IARS2: variants seen among roughly 807,000 people sequenced by gnomAD.
IARS2 encodes isoleucyl-tRNA synthetase 2, mitochondrial.
Under a neutral mutation model 126.3 loss-of-function variants are expected in IARS2, and 56 were observed. The ratio of observed to expected loss-of-function variants is 0.44; its 90% CI spans 0.36 to 0.55. The LOEUF is 0.55. Ranked by LOEUF, IARS2 falls within the 20% of genes least tolerant of loss-of-function variation. The pLI is 0.00. For synonymous variants in IARS2, 407 were observed against 441.1 expected, an observed-to-expected ratio of 0.92 and a Z score of 0.97; for missense variants, 1,127 against 1,245.9, an observed-to-expected ratio of 0.90 and a Z score of 1.44.
At chr1:220,100,261 A>G (rs915580180) in intron 2 of IARS2, among the ~76,000 whole-genome samples, 3 of 152,212 alleles carry the variant, frequency 2.0e-5, no homozygotes, top group African/African-American at 4.8e-5. Context: ...TCTTAGCTCA[A>G]TATAAATAAT....
At chr1:220,120,776 G>GT (rs1657033377) in intron 12 of IARS2, among the ~76,000 whole-genome samples, 1 of 152,100 alleles carries the variant, frequency 6.6e-6, no homozygotes, top group African/African-American at 2.4e-5. Flanking sequence ...TAATTAACAT[G>GT]TATTTGTTGG....
chr1:220,121,613 A>T (rs917884410), intron 12 of IARS2, among the ~76,000 whole-genome samples: 3 of 151,938 alleles, frequency 2.0e-5, no homozygotes, highest in African/African-American at 7.3e-5. Context: ...ACTTATTTTT[A>T]TTTTTTTTAA....
chr1:220,140,781 G>A (rs1384191502), intron 19 of IARS2, among the ~76,000 whole-genome samples: 1 of 151,832 alleles, frequency 6.6e-6, no homozygotes, highest in African/African-American at 2.4e-5. Context: ...TCAGGAGATC[G>A]AGACCATCCT....
At chr1:220,106,965 G>A (rs978546137) in intron 9 of IARS2, 96 bp from the exon 10 acceptor site, 1 of 861,274 alleles carries the variant, frequency 1.2e-6, no homozygotes, top group African/African-American at 1.7e-5. Context: ...AAAAGACCAG[G>A]CTATACTGAG....
At chr1:220,131,770 G>C (rs1657273007) in intron 14 of IARS2, among the ~76,000 whole-genome samples, 1 of 151,060 alleles carries the variant, frequency 6.6e-6, no homozygotes, top group South Asian at 2.1e-4. Flanking sequence ...ACAGGCATGA[G>C]CCACGATGCC....
At chr1:220,099,933 G>A (rs1261844137) in intron 2 of IARS2, among the ~76,000 whole-genome samples, 1 of 152,104 alleles carries the variant, frequency 6.6e-6, no homozygotes, top group Non-Finnish European at 1.5e-5. Flanking sequence ...CTTTTGATAG[G>A]CATGGAAAGG....
Position 220,102,015 on chromosome 1 carries a change from A to G in IARS2, c.551-114A>G, listed in dbSNP as rs932895134. On this transcript the variant is annotated intron_variant, in intron 3 of 22. Coordinates refer to ENST00000366922, the MANE Select transcript of IARS2 (RefSeq NM_018060.4). ...GACAGCGAGACTGTGTCTCAAAAAA[A>G]ATTTGCATTCTAAACTGTCTGTAGC... 2.6e-5 allele frequency: 26 copies of G among 1,010,070 alleles called. No homozygotes were observed. In the African/African-American group the frequency reaches 3.9e-4, roughly 15 times the overall value. The allele number at this position is 1,010,070 out of a possible 1,614,324, so 62.6% of individuals were successfully genotyped here.
At chr1:220,146,647 T>C (rs1657599634) in intron 22 of IARS2, among the ~76,000 whole-genome samples, 1 of 152,098 alleles carries the variant, frequency 6.6e-6, no homozygotes, top group Non-Finnish European at 1.5e-5. Context: ...ATAGACCGTG[T>C]AGTAAAAGTT....
intron 22 of IARS2, among the ~76,000 whole-genome samples, chr1:220,146,057 G>A (rs764162072): frequency 2.6e-5 from 4 of 151,966 alleles, no homozygotes; most frequent in Admixed American, 6.6e-5. Context: ...TGTATACCCC[G>A]GATTAAAATA....
chr1:220,109,714 C>T (rs1402693628), intron 10 of IARS2, among the ~76,000 whole-genome samples: 1 of 152,144 alleles, frequency 6.6e-6, no homozygotes, highest in Non-Finnish European at 1.5e-5. Context: ...TGCAGTGTGA[C>T]CTCATCTAAA....
At chr1:220,142,002 A>C (rs1184758002) in intron 20 of IARS2, 54 bp downstream of exon 20, 2 of 1,529,370 alleles carry the variant, frequency 1.3e-6, no homozygotes, top group Non-Finnish European at 1.8e-6. Context: ...ATCAAGGTGC[A>C]ACTTCTACTT....
In IARS2 at chr1:220,109,249, A is replaced by C. The variant is rs546860243; in HGVS notation, c.1328-1537A>C. 7.9e-5 allele frequency among the ~76,000 whole-genome samples: 12 copies of C among 152,058 alleles called. No individual in the cohort carries two copies. In the East Asian group the frequency reaches 2.1e-3, roughly 27 times the overall value. On this transcript the variant is annotated intron_variant, in intron 10 of 22. Coordinates refer to ENST00000366922, the MANE Select transcript of IARS2 (RefSeq NM_018060.4). The stretch of plus-strand genomic sequence containing the variant: ...CCCTGTGTCTACTAAAAATACAAAA[A>C]ATTAGCCAGGTGTGGTGGTAGGTGC...
At chr1:220,114,121 C>T (rs773409241) in intron 11 of IARS2, among the ~76,000 whole-genome samples, 193 bp from the exon 12 acceptor site, 6 of 152,054 alleles carry the variant, frequency 3.9e-5, no homozygotes, top group Admixed American at 6.6e-5. Context: ...AAGTTCTTCG[C>T]GGCTCCATTT....
In IARS2 at chr1:220,106,042, T is replaced by C. The variant is rs1656673225; in HGVS notation, c.1218T>C (p.Ser406=). The change falls in exon 9 of 23, where the codon TCT becomes TCC. Residue 406 remains serine, a synonymous_variant. Coordinates refer to ENST00000366922, the MANE Select transcript of IARS2 (RefSeq NM_018060.4). The stretch of plus-strand genomic sequence containing the variant: ...GTATGGAAGACTACGGTGTAGCGTC[T>C]CAGCACAACCTGCCCATGGTACTGT... ...AHGMEDYGVA[S]QHNLPMDCLV... 1.9e-6 allele frequency: 3 copies of C among 1,613,624 alleles called. No individual in the cohort carries two copies. Among genetic ancestry groups the C allele is most frequent in the Non-Finnish European group, 2.5e-6 (3 of 1,179,746 alleles).
rs897733443 is a variant in IARS2, at chr1:220,126,835, T to G, written c.1829T>G (p.Val610Gly). The change falls in exon 14 of 23, where the codon GTT (valine) becomes GGT (glycine). Residue 610 changes from valine (V) to glycine (G), a missense_variant. By Grantham distance (109) the Val-to-Gly change is moderately radical (BLOSUM62 -3). Transcript: ENST00000366922. ...GATAGCGGAACTTCATGGTCTTATG[T>G]TCTTCCAGGTAATTCTTAAAAATAG... ...WFDSGTSWSY[V>G]LPGPDQRADL... 2.5e-6 allele frequency: 4 copies of G among 1,604,958 alleles called. No homozygotes were observed. The African/African-American group carries it at 5.4e-5, about 22-fold the overall frequency.
chr1:220,136,242 A>T (rs1003663988), intron 15 of IARS2, among the ~76,000 whole-genome samples: 2 of 151,996 alleles, frequency 1.3e-5, no homozygotes, highest in Non-Finnish European at 2.9e-5. Context: ...AGTGATTCTC[A>T]TGCCTCAGCC....
chr1:220,108,260 C>T (rs181084872), intron 10 of IARS2, among the ~76,000 whole-genome samples: 53 of 152,208 alleles, frequency 3.5e-4, no homozygotes, highest in Middle Eastern at 3.4e-3. Flanking sequence ...TGGGGTTTCA[C>T]CATGTTGGCC....
rs1186000971 is a variant in IARS2, at chr1:220,146,517, C to CAAAAAAAAA, written c.2896+878_2896+886dup. Among the ~76,000 whole-genome samples, 11 of 62,048 alleles carry CAAAAAAAAA rather than the reference C, an allele frequency of 1.8e-4. 1 individual carries two copies. Among genetic ancestry groups the CAAAAAAAAA allele is most frequent in the African/African-American group, 5.2e-4 (9 of 17,460 alleles). The allele number at this position is 62,048 out of a possible 152,430, so 40.7% of individuals were successfully genotyped here. On this transcript the variant is annotated intron_variant, in intron 22 of 22. Coordinates refer to ENST00000366922, the MANE Select transcript of IARS2 (RefSeq NM_018060.4). ...TGGGCGACAGAGCGAGACTCCGTCT[C>CAAAAAAAAA]AAAAAAAAAAAAAAAAAAAAAAGCA...
intron 11 of IARS2, among the ~76,000 whole-genome samples, chr1:220,111,608 G>A (rs1468296196): frequency 2.0e-5 from 3 of 150,510 alleles, no homozygotes; most frequent in East Asian, 3.9e-4. Context: ...ATGTGTGTGT[G>A]TGTGTGTGTG....
Sources: gnomAD v4.1 joint callset for allele counts (sites outside exome capture counted in the v4.1 genomes callset) on GRCh38, gnomAD v4.1.1 for gene constraint, MANE v1.5 for transcripts, NCBI Gene and HGNC (gene_info 2026-07-23, HGNC 2026-07-21) for gene names.